The following GPC5 variants were observed in gnomAD, a reference collection of about 807,000 sequenced individuals.
GPC5 encodes glypican-5.
A neutral mutation model predicts 53.9 loss-of-function variants in GPC5; 47 were observed. The ratio of observed to expected loss-of-function variants is 0.87; its 90% confidence interval spans 0.69 to 1.11. The LOEUF (loss-of-function observed/expected upper bound fraction) is 1.11, where lower values mean the gene tolerates loss of function less well. Among genes scored for constraint, GPC5 ranks in the 50% most tolerant of loss-of-function variants. GPC5 has a pLI of 0.00. For missense variants in GPC5, 748 were observed against 713.1 expected (o/e 1.05, Z -0.56); for synonymous variants, 286 against 263.3 (o/e 1.09, Z -0.84).
At chr13:92,643,964 G>C (rs990104492) in intron 7 of GPC5, among the ~76,000 whole-genome samples, 1 of 152,068 alleles carries the variant, frequency 6.6e-6, no homozygotes, top group Non-Finnish European at 1.5e-5. Flanking sequence ...TACATGACTG[G>C]CCAAAATAAT....
At chr13:91,745,427 A>C (rs1385320513) in intron 4 of GPC5, among the ~76,000 whole-genome samples, 1 of 89,350 alleles carries the variant, frequency 1.1e-5, no homozygotes, top group Non-Finnish European at 2.4e-5. Flanking sequence ...AACTTTCTGC[A>C]AAGGGTCTCT....
chr13:92,751,654 A>AGT (rs1382103829), intron 7 of GPC5, among the ~76,000 whole-genome samples: 1 of 151,980 alleles, frequency 6.6e-6, no homozygotes, highest in Non-Finnish European at 1.5e-5. Context: ...GTAAATGACG[A>AGT]GTTAATGGGT....
At chr13:91,881,178 T>A (rs1174453619) in intron 5 of GPC5, among the ~76,000 whole-genome samples, 1 of 152,112 alleles carries the variant, frequency 6.6e-6, no homozygotes, top group Non-Finnish European at 1.5e-5. Flanking sequence ...ACTTTATATT[T>A]TATTCTCTAA....
At position 92,087,936 on chromosome 13, in the gene GPC5, C is replaced by CT. The variant is rs796592368; in HGVS notation, c.1402-56881dup. Among the ~76,000 whole-genome samples the CT allele has an allele frequency of 1.7e-3, 244 of 144,864 alleles. 2 individuals carry two copies. The highest frequency in any genetic ancestry group is 6.0e-3 in the East Asian group (30 of 4,982). ...TATGCTATTCTCTAGCTTCCAACTA[C>CT]TTTTTTTTTTTTTAAAGAGATGGGG... On this transcript the variant is annotated intron_variant, in intron 6 of 7. Coordinates refer to ENST00000377067, the MANE Select transcript of GPC5 (RefSeq NM_004466.6).
At chr13:92,714,512 CAT>C (rs1478158414) in intron 7 of GPC5, among the ~76,000 whole-genome samples, 1 of 152,112 alleles carries the variant, frequency 6.6e-6, no homozygotes, top group Non-Finnish European at 1.5e-5. Context: ...AACACAGAAA[CAT>C]AGAAAATTTC....
chr13:92,471,629 T>A (rs1440688568), intron 7 of GPC5, among the ~76,000 whole-genome samples: 2 of 152,050 alleles, frequency 1.3e-5, no homozygotes, highest in Non-Finnish European at 2.9e-5. Context: ...AATACACATA[T>A]ACATATATAT....
At chr13:91,571,967 ATATG>A (rs2031875861) in intron 2 of GPC5, among the ~76,000 whole-genome samples, 1 of 139,830 alleles carries the variant, frequency 7.2e-6, no homozygotes, top group Non-Finnish European at 1.5e-5. Context: ...ATATATGTAT[ATATG>A]TGTATATATG....
chr13:91,409,139 T>A (rs1167476033), intron 1 of GPC5, among the ~76,000 whole-genome samples: 1 of 152,176 alleles, frequency 6.6e-6, no homozygotes, highest in Non-Finnish European at 1.5e-5. Flanking sequence ...CCGAGCTACA[T>A]TTGGTTCATT....
intron 6 of GPC5, among the ~76,000 whole-genome samples, chr13:92,045,265 C>T (rs981461428): frequency 1.1e-4 from 17 of 152,074 alleles, no homozygotes; most frequent in African/African-American, 2.9e-4. Flanking sequence ...CAAGCAATTT[C>T]CAAGACAGAG....
intron 7 of GPC5, chr13:92,240,536 C>T (rs1466632381): frequency 6.6e-6 from 1 of 152,124 alleles, no homozygotes; most frequent in Admixed American, 6.6e-5. Context: ...TGGAATCTTG[C>T]TCTGTTGCCC....
At chr13:91,616,128 A>C (rs1229724768) in intron 2 of GPC5, among the ~76,000 whole-genome samples, 2 of 152,134 alleles carry the variant, frequency 1.3e-5, no homozygotes, top group African/African-American at 4.8e-5. Context: ...AAGGGGGCTT[A>C]TATTGCCTAG....
At chr13:92,190,770 T>C (rs1440966876) in intron 7 of GPC5, among the ~76,000 whole-genome samples, 1 of 152,014 alleles carries the variant, frequency 6.6e-6, no homozygotes, top group African/African-American at 2.4e-5. Context: ...ATATGCTCAA[T>C]TAAAACCACA....
intron 1 of GPC5, 81 bp from the exon 2 acceptor site, chr13:91,448,680 C>G: frequency 7.1e-7 from 1 of 1,417,960 alleles, no homozygotes; most frequent in Non-Finnish European, 9.6e-7. Context: ...GTGTGCAGGA[C>G]TGGTCATAAC....
At chr13:91,680,936 A>G (rs932038308) in intron 2 of GPC5, among the ~76,000 whole-genome samples, 1 of 152,160 alleles carries the variant, frequency 6.6e-6, no homozygotes, top group East Asian at 1.9e-4. Flanking sequence ...CCAGTAATCT[A>G]GTATCATTAT....
intron 7 of GPC5, among the ~76,000 whole-genome samples, chr13:92,281,183 G>T (rs115276268): frequency 6.6e-6 from 1 of 152,158 alleles, no homozygotes; most frequent in Non-Finnish European, 1.5e-5. Context: ...ACTACAAGGC[G>T]TCAGCAAGGC....
At chr13:91,535,016 A>G (rs1886522003) in intron 2 of GPC5, among the ~76,000 whole-genome samples, 1 of 152,168 alleles carries the variant, frequency 6.6e-6, no homozygotes, top group Non-Finnish European at 1.5e-5. Context: ...AATCCATTAA[A>G]TGGCCTGTGA....
intron 6 of GPC5, among the ~76,000 whole-genome samples, chr13:92,086,276 T>C (rs1259858434): frequency 6.6e-6 from 1 of 152,224 alleles, no homozygotes; most frequent in Admixed American, 6.5e-5. Flanking sequence ...GGACACATCT[T>C]CATTTTTAAG....
chr13:91,945,376 C>G (rs1234307371), intron 6 of GPC5, among the ~76,000 whole-genome samples: 1 of 152,118 alleles, frequency 6.6e-6, no homozygotes, highest in Non-Finnish European at 1.5e-5. Context: ...TCCCCATGCT[C>G]TTGTATTTCA....
chr13:92,301,109 A>G (rs941864387), intron 7 of GPC5, among the ~76,000 whole-genome samples: 9 of 152,252 alleles, frequency 5.9e-5, no homozygotes, highest in Admixed American at 3.9e-4. Flanking sequence ...AATGAAATAA[A>G]ATTATCTGCA....
Sources: gnomAD v4.1 joint callset for allele counts (sites outside exome capture counted in the v4.1 genomes callset) on GRCh38, gnomAD v4.1.1 for gene constraint, MANE v1.5 for transcripts, NCBI Gene and HGNC (gene_info 2026-07-23, HGNC 2026-07-21) for gene names.